Variants in NLGN4X observed in about 807,000 individuals in gnomAD.
NLGN4X encodes neuroligin-4, X-linked.
In NLGN4X, 3 loss-of-function variants were observed where a neutral mutation model predicts 40.3. The ratio of observed to expected loss-of-function variants is 0.07; its 90% CI spans 0.03 to 0.19. The LOEUF (loss-of-function observed/expected upper bound fraction) is 0.19, where lower values mean the gene tolerates loss of function less well. Among genes scored for constraint, NLGN4X ranks in the 10% least tolerant of loss-of-function variants. NLGN4X has a pLI of 1.00. For synonymous variants in NLGN4X, 270 were observed against 306.8 expected, an observed-to-expected ratio of 0.88 and a Z score of 1.25; for missense variants, 382 against 708.3, an observed-to-expected ratio of 0.54 and a Z score of 5.23.
chrX:6,200,192 T>C (rs1189621248), intron 1 of NLGN4X, among the ~76,000 whole-genome samples: 1 of 112,072 alleles, frequency 8.9e-6, no homozygotes, highest in East Asian at 2.8e-4. Flanking sequence ...AAAAATTCAC[T>C]AACCCCCCAG....
At chrX:6,200,308 G>A (rs1923474659) in intron 1 of NLGN4X, among the ~76,000 whole-genome samples, 1 of 111,798 alleles carries the variant, frequency 8.9e-6, no homozygotes, top group Non-Finnish European at 1.9e-5. Flanking sequence ...CACAATCGAG[G>A]GTGGAACCCA....
chrX:6,171,360 T>C (rs1350755697), intron 1 of NLGN4X, among the ~76,000 whole-genome samples: 1 of 112,234 alleles, frequency 8.9e-6, no homozygotes, highest in African/African-American at 3.2e-5. Flanking sequence ...CTCATTTCCT[T>C]TTCTTTTATG....
At chrX:5,970,011 C>T (rs868289148) in intron 3 of NLGN4X, among the ~76,000 whole-genome samples, 2 of 71,177 alleles carry the variant, frequency 2.8e-5, no homozygotes, top group Admixed American at 2.2e-4. Context: ...CATCACACAC[C>T]GGGGCCTGTT....
At chrX:6,105,758 G>A (rs2039018732) in intron 2 of NLGN4X, among the ~76,000 whole-genome samples, 1 of 111,839 alleles carries the variant, frequency 8.9e-6, no homozygotes. Flanking sequence ...CACTTTTCTT[G>A]ATTTGCATAA....
intron 2 of NLGN4X, among the ~76,000 whole-genome samples, chrX:6,109,409 T>C (rs1467187190): frequency 8.9e-6 from 1 of 112,431 alleles, no homozygotes; most frequent in Non-Finnish European, 1.9e-5. Flanking sequence ...AGGGTTATAT[T>C]AGAATGAGGT....
intron 2 of NLGN4X, among the ~76,000 whole-genome samples, chrX:6,141,172 GCAC>G (rs1166787994): frequency 9.0e-6 from 1 of 111,260 alleles, no homozygotes; most frequent in Non-Finnish European, 1.9e-5. Flanking sequence ...GGCTGTGACT[GCAC>G]CAAGGAAAGG....
At chrX:6,056,939 C>CGA (rs1442180004) in intron 2 of NLGN4X, among the ~76,000 whole-genome samples, 1 of 111,817 alleles carries the variant, frequency 8.9e-6, no homozygotes, top group Non-Finnish European at 1.9e-5. Flanking sequence ...GATCAGTGTA[C>CGA]AGATCGACAC....
chrX:6,075,552 A>G (rs2038174389), intron 2 of NLGN4X, among the ~76,000 whole-genome samples: 1 of 111,760 alleles, frequency 8.9e-6, no homozygotes, highest in South Asian at 3.8e-4. Context: ...TTGATTCCCA[A>G]TGTTGGAGAT....
At chrX:6,201,697 AGAG>A (rs1288122486) in intron 1 of NLGN4X, among the ~76,000 whole-genome samples, 2 of 111,345 alleles carry the variant, frequency 1.8e-5, no homozygotes, top group South Asian at 3.8e-4. Flanking sequence ...TGAGGAATTG[AGAG>A]GAGAAGATGC....
intron 1 of NLGN4X, among the ~76,000 whole-genome samples, chrX:6,218,478 A>G (rs1217506752): frequency 9.3e-6 from 1 of 106,969 alleles, no homozygotes; most frequent in Non-Finnish European, 1.9e-5. Flanking sequence ...TTAAACCCAC[A>G]CACACACACA....
At chrX:6,182,243 T>A (rs1921532815) in intron 1 of NLGN4X, among the ~76,000 whole-genome samples, 2 of 111,927 alleles carry the variant, frequency 1.8e-5, no homozygotes, top group Non-Finnish European at 3.8e-5. Context: ...ACACACGTGA[T>A]AATATTCCAA....
chrX:6,135,878 A>G (rs143539781), intron 2 of NLGN4X, among the ~76,000 whole-genome samples: 4,100 of 111,912 alleles, frequency 0.037, 183 homozygotes, highest in African/African-American at 0.12. Flanking sequence ...AACTAAATGC[A>G]CCGCTAGTAA....
At chrX:6,021,073 C>CTCTCTCT (rs1569190222) in intron 3 of NLGN4X, among the ~76,000 whole-genome samples, 1 of 21,921 alleles carries the variant, frequency 4.6e-5, no homozygotes, top group African/African-American at 2.3e-4. Flanking sequence ...TCCCTCCCTC[C>CTCTCTCT]CTCCCTCTCT....
At chrX:6,049,258 AGGGGAGGGGAGGGGAGG>A (rs2037414179) in intron 2 of NLGN4X, among the ~76,000 whole-genome samples, 1 of 6,343 alleles carries the variant, frequency 1.6e-4, no homozygotes, top group African/African-American at 5.1e-4. Flanking sequence ...AGGGGAGGGG[AGGGGAGGGGAGGGGAGG>A]AAAAAAACAG....
At chrX:5,921,580 C>A (rs1477638694) in intron 3 of NLGN4X, among the ~76,000 whole-genome samples, 1 of 110,929 alleles carries the variant, frequency 9.0e-6, no homozygotes, top group Non-Finnish European at 1.9e-5. Flanking sequence ...TCTCTCCCAG[C>A]CCCTATGGTA....
intron 3 of NLGN4X, among the ~76,000 whole-genome samples, chrX:5,942,542 G>C (rs1037148524): frequency 9.0e-6 from 1 of 110,842 alleles, no homozygotes; most frequent in East Asian, 2.9e-4. Context: ...ATTAGGTGGT[G>C]TGGTGGCATG....
At chrX:6,142,023 TA>T (rs1301606002) in intron 2 of NLGN4X, among the ~76,000 whole-genome samples, 1 of 111,142 alleles carries the variant, frequency 9.0e-6, no homozygotes, top group Admixed American at 9.6e-5. Context: ...TAGTTGTACC[TA>T]AAGTTTCTAT....
intron 3 of NLGN4X, among the ~76,000 whole-genome samples, chrX:5,954,879 CA>C (rs982893926): frequency 1.6e-4 from 18 of 110,751 alleles, no homozygotes; most frequent in African/African-American, 5.6e-4. Flanking sequence ...AGGATGTTAC[CA>C]TAACTAGTAT....
chrX:6,054,002 A>G (rs1448693250), intron 2 of NLGN4X, among the ~76,000 whole-genome samples: 5 of 112,394 alleles, frequency 4.4e-5, no homozygotes, highest in African/African-American at 9.7e-5. Flanking sequence ...ATGATCTACA[A>G]TCACGAAAGC....
Sources: gnomAD v4.1 joint callset for allele counts (sites outside exome capture counted in the v4.1 genomes callset) on GRCh38, gnomAD v4.1.1 for gene constraint, MANE v1.5 for transcripts, NCBI Gene and HGNC (gene_info 2026-07-23, HGNC 2026-07-21) for gene names.